Variants in MYH14 observed in about 807,000 individuals in gnomAD.
MYH14 encodes the protein myosin-14.
Under a neutral mutation model 255.5 loss-of-function variants are expected in MYH14, and 123 were observed. The observed-to-expected ratio is 0.48, with a 90% CI of 0.42 to 0.56. The LOEUF (loss-of-function observed/expected upper bound fraction) is 0.56, where lower values mean the gene tolerates loss of function less well. Ranked by LOEUF, MYH14 falls within the 20% of genes least tolerant of loss-of-function variation. The pLI is 0.00. For synonymous variants in MYH14, 1,095 were observed against 1,161.2 expected, an observed-to-expected ratio of 0.94 and a Z score of 1.16; for missense variants, 2,423 against 2,802.3, an observed-to-expected ratio of 0.86 and a Z score of 3.06.
rs2036171133 is a variant in MYH14, at chr19:50,293,738, C to A, written c.5469+51C>A. 6.6e-7 allele frequency: 1 copy of A among 1,504,376 alleles called. No individual in the cohort carries two copies. Among genetic ancestry groups the A allele is most frequent in the Non-Finnish European group, 8.9e-7 (1 of 1,124,872 alleles). 93.2% of individuals were successfully genotyped at this position (1,504,376 alleles called of 1,614,324 possible). On this transcript the variant is annotated intron_variant, in intron 39 of 42. Coordinates refer to ENST00000642316, the MANE Select transcript of MYH14 (RefSeq NM_001145809.2). The surrounding 1 kb of genome is among the most constrained non-coding windows in gnomAD (Gnocchi z 4.1). ...AGCCTCAGTCCCCATTGACCTGGGACCGTAACCTTCAGTCCTCTTATTCAA... is the reference window on the plus strand; with the variant it reads ...AGCCTCAGTCCCCATTGACCTGGGAACGTAACCTTCAGTCCTCTTATTCAA...
In MYH14 at chr19:50,249,389, G is replaced by A. The variant is rs1204170601; in HGVS notation, c.1482+250G>A. The A allele has an allele frequency of 6.9e-6, 4 of 578,728 alleles. No homozygotes were observed. In the South Asian group the frequency reaches 8.7e-5, roughly 13 times the overall value. The allele number at this position is 578,728 out of a possible 1,614,324, so 35.8% of individuals were successfully genotyped here. A position where few individuals can be genotyped will look rare whatever the true frequency, so the allele number is the denominator to read the frequency against. On this transcript the variant is annotated intron_variant, in intron 13 of 42. Transcript: ENST00000642316. ...GGTCTCTGTCCCCCTCTCTCTCTGG[G>A]TCTCTGTCCTCTCTCTCTGCATCTC... is the stretch of plus-strand genomic sequence containing the variant.
rs1018746655 is a variant in MYH14, at chr19:50,293,180, C to T, written c.5257-53C>T. On this transcript the variant is annotated intron_variant, in intron 37 of 42. Coordinates refer to ENST00000642316, the MANE Select transcript of MYH14 (RefSeq NM_001145809.2). The surrounding 1 kb of genome is among the most constrained non-coding windows in gnomAD (Gnocchi z 4.1). The stretch of plus-strand genomic sequence containing the variant: ...GAGGGACAGAGAAAGGGGTGAGACC[C>T]GTGCCCAGATTGCTTCTCCTCACAC... 83 of 1,309,984 alleles carry T rather than the reference C, an allele frequency of 6.3e-5. No homozygotes were observed. The highest frequency in any genetic ancestry group is 1.5e-4 in the South Asian group (12 of 79,514). 81.1% of individuals were successfully genotyped at this position (1,309,984 alleles called of 1,614,324 possible).
At chr19:50,306,306 A>G (rs1359125986) in intron 40 of MYH14, among the ~76,000 whole-genome samples, 2 of 152,174 alleles carry the variant, frequency 1.3e-5, no homozygotes, top group East Asian at 1.9e-4. Flanking sequence ...TCTCTCCTTC[A>G]TCCTTTTCCA....
intron 39 of MYH14, among the ~76,000 whole-genome samples, chr19:50,298,674 C>T (rs942505452): frequency 4.0e-5 from 6 of 151,506 alleles, no homozygotes; most frequent in Admixed American, 1.3e-4. Context: ...TAGCTTGAAC[C>T]CAGGAGGCAG....
chr19:50,301,904 C>A, intron 40 of MYH14, 35 bp downstream of exon 40: 2 of 1,532,866 alleles, frequency 1.3e-6, no homozygotes, highest in Non-Finnish European at 1.8e-6. Flanking sequence ...AGAAAGGTGA[C>A]CTCCACATTC....
At chr19:50,268,899 A>G (rs2035194162) in intron 24 of MYH14, among the ~76,000 whole-genome samples, 1 of 152,150 alleles carries the variant, frequency 6.6e-6, no homozygotes, top group Non-Finnish European at 1.5e-5. Flanking sequence ...GGCTGCCCTC[A>G]TGGTTCCCCT....
At chr19:50,267,507 C>T (rs894900701) in intron 23 of MYH14, among the ~76,000 whole-genome samples, 1 of 152,032 alleles carries the variant, frequency 6.6e-6, no homozygotes, top group Non-Finnish European at 1.5e-5. Flanking sequence ...CAAAAATTAG[C>T]CGGGTGTGAT....
rs528372177 is a variant in MYH14 at position 50,271,617 on chromosome 19, A to G, written c.3171+71A>G. 6 of 1,553,626 alleles carry G rather than the reference A, an allele frequency of 3.9e-6. No individual in the cohort carries two copies. In the East Asian group the frequency reaches 9.5e-5, roughly 25 times the overall value. On this transcript the variant is annotated intron_variant, in intron 25 of 42. Transcript: ENST00000642316. Reference sequence around the variant, plus strand: ...GGTGGGTTAATGAATGGTGAACTTCACGCCATGGGGGTTACCACACTGCGG... The same window carrying G: ...GGTGGGTTAATGAATGGTGAACTTCGCGCCATGGGGGTTACCACACTGCGG...
At chr19:50,249,246 C>T in intron 13 of MYH14, 107 bp downstream of exon 13, 2 of 1,288,044 alleles carry the variant, frequency 1.6e-6, no homozygotes, top group Non-Finnish European at 2.1e-6. Flanking sequence ...CCCCCTCTCT[C>T]TCTCTGAGTC....
chr19:50,259,016 G>A, intron 18 of MYH14, 128 bp from the exon 19 acceptor site: 10 of 1,311,902 alleles, frequency 7.6e-6, no homozygotes, highest in Non-Finnish European at 1.0e-5. Context: ...CCAGGGCCTA[G>A]AACCGTTCCT....
intron 39 of MYH14, among the ~76,000 whole-genome samples, chr19:50,297,715 G>T (rs184280780): frequency 4.0e-5 from 6 of 151,288 alleles, no homozygotes; most frequent in Admixed American, 2.6e-4. Context: ...GGCCAGGCTG[G>T]TCTCGAACTC....
intron 33 of MYH14, among the ~76,000 whole-genome samples, chr19:50,283,069 A>G (rs2035778361): frequency 6.6e-6 from 1 of 151,964 alleles, no homozygotes; most frequent in African/African-American, 2.4e-5. Flanking sequence ...CTGGAATTTT[A>G]TATAAATTAT....
chr19:50,262,493 A>C (rs1406362768), intron 21 of MYH14, among the ~76,000 whole-genome samples: 1 of 151,574 alleles, frequency 6.6e-6, no homozygotes, highest in African/African-American at 2.4e-5. Flanking sequence ...AGCCAAGATC[A>C]TGTCACTGCA....
At chr19:50,248,874 C>A in intron 12 of MYH14, 113 bp from the exon 13 acceptor site, 3 of 1,054,102 alleles carry the variant, frequency 2.8e-6, no homozygotes, top group Non-Finnish European at 4.2e-6. Context: ...ACTCAAGGAG[C>A]TGGGAGGCGA....
chr19:50,239,001 A>G (rs532848708), intron 10 of MYH14, among the ~76,000 whole-genome samples: 7 of 151,834 alleles, frequency 4.6e-5, no homozygotes, highest in African/African-American at 4.8e-5. Flanking sequence ...TTGTCCCCCA[A>G]CCTCCAAAAA....
chr19:50,242,030 C>G (rs1568489741), intron 10 of MYH14, among the ~76,000 whole-genome samples: 2 of 152,208 alleles, frequency 1.3e-5, no homozygotes, highest in Admixed American at 6.5e-5. Flanking sequence ...GAATTTGTTG[C>G]AGATAATTAC....
chr19:50,293,668 A>T lies in MYH14; in HGVS notation c.5450A>T (p.Tyr1817Phe). The change falls in exon 39 of 43, where the codon TAC becomes TTC. Residue 1817 changes from tyrosine to phenylalanine, a missense_variant. This residue lies in a region of MYH14 where 1,513 missense variants were observed against 1,674.8 expected (regional missense o/e 0.90). Coordinates refer to ENST00000642316, the MANE Select transcript of MYH14 (RefSeq NM_001145809.2). The surrounding 1 kb of genome is among the most constrained non-coding windows in gnomAD (Gnocchi z 4.1). ...AACTCGGAGCTGCTCAATGACCGCT[A>T]CCGCAAGCTGCTCCTGCAGGTGAGC... ...QSNSELLNDR[Y>F]RKLLLQVESL... 6.3e-7 allele frequency: 1 copy of T among 1,589,072 alleles called. No individual in the cohort carries two copies.
In MYH14 at chr19:50,292,291, G is replaced by A; in HGVS notation, c.5158G>A (p.Glu1720Lys). 6.2e-7 allele frequency: 1 copy of A among 1,601,432 alleles called. No homozygotes were observed. Among genetic ancestry groups the A allele is most frequent in the Non-Finnish European group, 8.5e-7 (1 of 1,174,736 alleles). The change falls in exon 37 of 43, where the codon GAG (glutamate) becomes AAG (lysine). Residue 1720 changes from glutamate (E) to lysine (K), a missense_variant. This residue lies in a region of MYH14 where 1,513 missense variants were observed against 1,674.8 expected (regional missense o/e 0.90). Transcript: ENST00000642316. ...GATGAAGGAGCTATGGCGGGAGGTGGAGGAGACACGCACCTCCCGGGAGGA... is the reference window on the plus strand; with the variant it reads ...GATGAAGGAGCTATGGCGGGAGGTGAAGGAGACACGCACCTCCCGGGAGGA... ...AQMKELWREVEETRTSREEIF... is the reference protein window; with the variant it reads ...AQMKELWREVKETRTSREEIF...
In MYH14 at chr19:50,289,585, T is replaced by C; in HGVS notation, c.4902T>C (p.His1634=). 1 of 1,613,006 alleles carries C rather than the reference T, an allele frequency of 6.2e-7. No homozygotes were observed. Among genetic ancestry groups the C allele is most frequent in the Non-Finnish European group, 8.5e-7 (1 of 1,179,636 alleles). The change falls in exon 35 of 43, where the codon CAT becomes CAC. Residue 1634 remains histidine, a synonymous_variant. Coordinates refer to ENST00000642316, the MANE Select transcript of MYH14 (RefSeq NM_001145809.2). ...EVTVQALKTQ[H]ERDLQGRDEA... ...CTGTGCAGGCTCTCAAGACTCAGCATGAGCGTGACCTGCAGGGCCGTGATG... is the reference window on the plus strand; with the variant it reads ...CTGTGCAGGCTCTCAAGACTCAGCACGAGCGTGACCTGCAGGGCCGTGATG...
Sources: gnomAD v4.1 joint callset for allele counts (sites outside exome capture counted in the v4.1 genomes callset) on GRCh38, gnomAD v4.1.1 for gene constraint, gnomAD v4.1.1 regional missense constraint, Gnocchi (gnomAD v3.1) non-coding constraint, MANE v1.5 for transcripts, NCBI Gene and HGNC (gene_info 2026-07-23, HGNC 2026-07-21) for gene names.